The following CSMD1 variants were observed in gnomAD, a reference collection of about 807,000 sequenced individuals.
The protein encoded by CSMD1 is CUB and Sushi multiple domains 1, also known as CUB and sushi domain-containing protein 1.
CSMD1 carries 213 observed loss-of-function variants against 417.5 expected under a neutral mutation model. The observed-to-expected ratio is 0.51, with a 90% CI of 0.46 to 0.57. The LOEUF is 0.57. CSMD1 is among the 20% of genes least tolerant of loss of function. The pLI, the probability that CSMD1 is intolerant of heterozygous loss-of-function variation, is 0.00. For missense variants in CSMD1, 6,923 were observed against 4,529.7 expected, an observed-to-expected ratio of 1.53 and a Z score of -15.17; for synonymous variants, 2,862 against 1,736.8, an observed-to-expected ratio of 1.65 and a Z score of -16.11.
At chr8:3,098,888 A>ATT (rs35005765) in intron 46 of CSMD1, among the ~76,000 whole-genome samples, 24 of 146,746 alleles carry the variant, frequency 1.6e-4, no homozygotes, top group African/African-American at 4.0e-4. Flanking sequence ...AATATACACA[A>ATT]TTTTTTTTTT....
chr8:3,608,406 C>G (rs1801725057), intron 8 of CSMD1, among the ~76,000 whole-genome samples: 2 of 151,978 alleles, frequency 1.3e-5, no homozygotes, highest in Admixed American at 1.3e-4. Flanking sequence ...CAGGGAGCTC[C>G]CTAAGTTCAG....
intron 2 of CSMD1, among the ~76,000 whole-genome samples, chr8:4,507,160 A>C (rs115839932): frequency 7.2e-4 from 110 of 152,304 alleles, no homozygotes; most frequent in African/African-American, 2.6e-3. Context: ...ATATTTCTGA[A>C]AGTTTACTGA....
intron 26 of CSMD1, among the ~76,000 whole-genome samples, chr8:3,267,764 G>C (rs1320180719): frequency 6.6e-6 from 1 of 152,216 alleles, no homozygotes; most frequent in Non-Finnish European, 1.5e-5. Context: ...TCCCACAGCA[G>C]CTGATGGGAG....
chr8:3,008,751 G>C (rs973743889), intron 52 of CSMD1, among the ~76,000 whole-genome samples: 1 of 152,184 alleles, frequency 6.6e-6, no homozygotes, highest in Non-Finnish European at 1.5e-5. Context: ...TGCAACACTT[G>C]CTTTTGCTAC....
chr8:4,215,487 G>C (rs1224423608), intron 3 of CSMD1, among the ~76,000 whole-genome samples: 1 of 117,292 alleles, frequency 8.5e-6, no homozygotes, highest in South Asian at 3.4e-4. Context: ...GGGGGCCGGG[G>C]TTTTATGAAT....
At chr8:3,278,752 G>C (rs1016755155) in intron 26 of CSMD1, 1 of 152,012 alleles carries the variant, frequency 6.6e-6, no homozygotes, top group Non-Finnish European at 1.5e-5. Context: ...ATGGCTTCTT[G>C]GGTGTGATGG....
At chr8:3,442,306 A>T (rs777444206) in intron 12 of CSMD1, among the ~76,000 whole-genome samples, 1 of 152,172 alleles carries the variant, frequency 6.6e-6, no homozygotes, top group African/African-American at 2.4e-5. Flanking sequence ...CACAGTGTTT[A>T]TAAGTCTACA....
chr8:3,983,405 C>G (rs1433045414), intron 5 of CSMD1, among the ~76,000 whole-genome samples: 2 of 152,072 alleles, frequency 1.3e-5, no homozygotes, highest in African/African-American at 4.8e-5. Context: ...GCTGGGATTA[C>G]AGGCGTGAGC....
chr8:3,768,162 A>C (rs1039677777), intron 5 of CSMD1, among the ~76,000 whole-genome samples: 1 of 152,194 alleles, frequency 6.6e-6, no homozygotes, highest in Non-Finnish European at 1.5e-5. Flanking sequence ...AGGTAGGAGA[A>C]CTAAAGCCCA....
At chr8:3,952,653 T>C (rs533210962) in intron 5 of CSMD1, among the ~76,000 whole-genome samples, 1 of 152,134 alleles carries the variant, frequency 6.6e-6, no homozygotes, top group African/African-American at 2.4e-5. Flanking sequence ...CTGGGGTGAT[T>C]ACAGATTCTG....
intron 3 of CSMD1, among the ~76,000 whole-genome samples, chr8:4,171,121 A>G (rs1797740028): frequency 6.6e-6 from 1 of 151,806 alleles, no homozygotes; most frequent in Non-Finnish European, 1.5e-5. Flanking sequence ...TCAGCACACA[A>G]AGGTGAGGTA....
chr8:4,428,208 G>C (rs1402776655), intron 2 of CSMD1, among the ~76,000 whole-genome samples: 2 of 152,142 alleles, frequency 1.3e-5, no homozygotes, highest in East Asian at 1.9e-4. Flanking sequence ...CTTGTACTGT[G>C]TCCACTGAAC....
chr8:4,896,804 G>C (rs532890603), intron 1 of CSMD1, among the ~76,000 whole-genome samples: 1 of 151,986 alleles, frequency 6.6e-6, no homozygotes, highest in South Asian at 2.1e-4. Context: ...GGTAGGGCGG[G>C]GGGAAGTGCA....
intron 26 of CSMD1, among the ~76,000 whole-genome samples, chr8:3,271,706 T>C (rs1272588807): frequency 6.6e-6 from 1 of 152,206 alleles, no homozygotes; most frequent in Non-Finnish European, 1.5e-5. Flanking sequence ...TTTCATGTGT[T>C]TTTTGGCTGC....
At chr8:3,588,066 C>A (rs1395872635) in intron 8 of CSMD1, among the ~76,000 whole-genome samples, 1 of 150,924 alleles carries the variant, frequency 6.6e-6, no homozygotes, top group African/African-American at 2.5e-5. Flanking sequence ...GTTTAAACCT[C>A]ATTTAAGAAA....
intron 25 of CSMD1, among the ~76,000 whole-genome samples, chr8:3,297,337 A>G (rs1804043649): frequency 6.6e-6 from 1 of 152,204 alleles, no homozygotes; most frequent in Non-Finnish European, 1.5e-5. Context: ...TGAAATTCAT[A>G]TGGAAGTGCA....
At chr8:3,983,947 G>C (rs576731299) in intron 5 of CSMD1, among the ~76,000 whole-genome samples, 8 of 152,150 alleles carry the variant, frequency 5.3e-5, no homozygotes, top group Admixed American at 2.0e-4. Context: ...CAACTCTAGA[G>C]CACATTGCAG....
chr8:2,979,742 T>A (rs893174636), intron 54 of CSMD1, among the ~76,000 whole-genome samples: 3 of 152,220 alleles, frequency 2.0e-5, no homozygotes, highest in African/African-American at 7.2e-5. Flanking sequence ...CAGTGTTCCC[T>A]TTTAGTGCAG....
intron 10 of CSMD1, among the ~76,000 whole-genome samples, chr8:3,573,210 A>T (rs916328515): frequency 1.3e-5 from 2 of 152,188 alleles, no homozygotes; most frequent in Non-Finnish European, 2.9e-5. Context: ...GTTTTTCACA[A>T]CTATTCTCTA....
Sources: allele counts gnomAD v4.1 joint callset (sites outside exome capture counted in the v4.1 genomes callset), GRCh38; gene constraint gnomAD v4.1.1; transcripts MANE v1.5; gene names NCBI Gene and HGNC (gene_info 2026-07-23, HGNC 2026-07-21).